The following JAKMIP1 variants were observed in gnomAD, a reference collection of about 807,000 sequenced individuals.
JAKMIP1 encodes janus kinase and microtubule interacting protein 1.
JAKMIP1 carries 33 observed loss-of-function variants against 113.0 expected under a neutral mutation model. The observed-to-expected ratio is 0.29, with a 90% confidence interval of 0.22 to 0.39. The LOEUF (loss-of-function observed/expected upper bound fraction) is 0.39. Ranked by LOEUF, JAKMIP1 falls within the 10% of genes least tolerant of loss-of-function variation. JAKMIP1 has a pLI of 1.00. For synonymous variants in JAKMIP1, 480 were observed against 459.9 expected (o/e 1.04, Z -0.56); for missense variants, 813 against 1,080.5 (o/e 0.75, Z 3.47).
intron 1 of JAKMIP1, among the ~76,000 whole-genome samples, chr4:6,134,465 A>G (rs759684934): frequency 2.0e-5 from 3 of 152,070 alleles, no homozygotes; most frequent in Non-Finnish European, 4.4e-5. Flanking sequence ...CCACCTGTTC[A>G]TCTTCTTTAA....
intron 4 of JAKMIP1, 38 bp from the exon 5 acceptor site, chr4:6,085,003 G>C (rs552114880): frequency 2.2e-6 from 3 of 1,356,896 alleles, no homozygotes; most frequent in Non-Finnish European, 1.9e-6. Flanking sequence ...AAGTCAAGAC[G>C]TAAATGTACT....
chr4:6,070,348 T>A (rs1321357827), intron 8 of JAKMIP1, among the ~76,000 whole-genome samples: 1 of 152,242 alleles, frequency 6.6e-6, no homozygotes, highest in Non-Finnish European at 1.5e-5. Flanking sequence ...ACCCGTCTGC[T>A]GCAGAGTCCC....
Position 6,194,327 on chromosome 4 carries a change from A to C in JAKMIP1, c.-148+5926T>G, listed in dbSNP as rs1727614602. Among the ~76,000 whole-genome samples, 1 of 152,128 alleles carries C rather than the reference A, an allele frequency of 6.6e-6. No homozygotes were observed. The highest frequency in any genetic ancestry group is 2.1e-4 in the South Asian group (1 of 4,824). ...AATTTTTTTAAGAAAAAGAAGGGGA[A>C]AAAGAATTGCTTCAATGGAAGACAC... On this transcript the variant is annotated intron_variant, in intron 1 of 20. Coordinates refer to ENST00000409021, the MANE Select transcript of JAKMIP1 (RefSeq NM_001099433.2). The surrounding 1 kb of genome is among the most constrained non-coding windows in gnomAD (Gnocchi z 7.4).
intron 1 of JAKMIP1, among the ~76,000 whole-genome samples, chr4:6,125,277 C>A (rs780622997): frequency 2.0e-5 from 3 of 152,214 alleles, no homozygotes; most frequent in East Asian, 1.9e-4. Context: ...GGAGCACCCC[C>A]ACCCGGGCTG....
chr4:6,102,722 CTTTTTTTTTT>C (rs1191358910), intron 3 of JAKMIP1, among the ~76,000 whole-genome samples: 5 of 50,820 alleles, frequency 9.8e-5, no homozygotes, highest in South Asian at 1.4e-3. Context: ...TCTCTAAAGA[CTTTTTTTTTT>C]TTTTTTTTTT....
Position 6,143,147 on chromosome 4 carries a change from C to A in JAKMIP1, c.-147-30150G>T, listed in dbSNP as rs1192075216. 6.6e-6 allele frequency among the ~76,000 whole-genome samples: 1 copy of A among 152,234 alleles called. No homozygotes were observed. The highest frequency in any genetic ancestry group is 1.9e-4 in the East Asian group (1 of 5,202). ...ACCTATTAAGCAGAAAGCAGCACAG[C>A]TCTCCCCTGTGAGTACGAGCTAAGT... On this transcript the variant is annotated intron_variant, in intron 1 of 20. Transcript: ENST00000409021. This position sits in a 1 kb window ranked among gnomAD's most constrained non-coding sequence, Gnocchi z 4.9.
intron 7 of JAKMIP1, 136 bp from the exon 8 acceptor site, chr4:6,079,134 T>C (rs1720125058): frequency 3.8e-6 from 3 of 786,132 alleles, no homozygotes; most frequent in Admixed American, 2.1e-5. Context: ...GCCCAAGTGA[T>C]GGCTGCTTCT....
At position 6,139,461 on chromosome 4, in the gene JAKMIP1, G is replaced by A. The variant is rs540975634; in HGVS notation, c.-147-26464C>T. ...GGGTGGGCCTTAACCAATATGATGG[G>A]TGTTCCTACAAAAAGAAGAAATGGG... is the stretch of plus-strand genomic sequence containing the variant. On this transcript the variant is annotated intron_variant, in intron 1 of 20. Coordinates refer to ENST00000409021, the MANE Select transcript of JAKMIP1 (RefSeq NM_001099433.2). The surrounding 1 kb of genome is among the most constrained non-coding windows in gnomAD (Gnocchi z 5.2). Among the ~76,000 whole-genome samples the A allele has an allele frequency of 3.3e-5, 5 of 152,142 alleles. No individual in the cohort carries two copies. The South Asian group carries it at 1.0e-3, about 32-fold the overall frequency.
rs1169718007 is a variant in JAKMIP1, at chr4:6,065,071, T to C, written c.1303-63A>G. On this transcript the variant is annotated intron_variant, in intron 8 of 20. Transcript: ENST00000409021. This position sits in a 1 kb window ranked among gnomAD's most constrained non-coding sequence, Gnocchi z 5.1. Reference sequence around the variant, plus strand: ...AGGATTGCCAGAGTCTACCAGTCCCTGGTCGTGGGCATGCCAGTGCAGGGG... The same window carrying C: ...AGGATTGCCAGAGTCTACCAGTCCCCGGTCGTGGGCATGCCAGTGCAGGGG... 7 of 1,603,464 alleles carry C rather than the reference T, an allele frequency of 4.4e-6. No individual in the cohort carries two copies. In the African/African-American group the frequency reaches 6.7e-5, roughly 15 times the overall value.
At chr4:6,068,316 C>A (rs1463706745) in intron 8 of JAKMIP1, among the ~76,000 whole-genome samples, 1 of 152,192 alleles carries the variant, frequency 6.6e-6, no homozygotes, top group African/African-American at 2.4e-5. Context: ...GAGCCCCCGA[C>A]AGTATCATAT....
intron 1 of JAKMIP1, among the ~76,000 whole-genome samples, chr4:6,182,138 C>T (rs967818572): frequency 6.6e-6 from 1 of 151,992 alleles, no homozygotes; most frequent in Non-Finnish European, 1.5e-5. Flanking sequence ...GGAAACCAGG[C>T]TCGGTGGCTC....
chr4:6,056,761 T>A lies in JAKMIP1; in HGVS notation c.1645-2A>T. ...CTTCTCTTCAACCCACTTGGAATCC[T>A]AAGGAAAAGTACTAAATATGGTCAC... On this transcript the variant is annotated splice_acceptor_variant, in intron 11 of 20. Transcript: ENST00000409021. LOFTEE classifies it high-confidence loss of function. The A allele has an allele frequency of 6.2e-7, 1 of 1,604,702 alleles. No homozygotes were observed. The highest frequency in any genetic ancestry group is 2.2e-5 in the East Asian group (1 of 44,848).
chr4:6,167,095 G>T lies in JAKMIP1; in HGVS notation c.-148+33158C>A, dbSNP rs1316437619. 1.3e-5 allele frequency among the ~76,000 whole-genome samples: 2 copies of T among 152,056 alleles called. No individual in the cohort carries two copies. The highest frequency in any genetic ancestry group is 2.9e-5 in the Non-Finnish European group (2 of 67,996). ...TGGTGCGTAGGGGGTACTCAGGGTG[G>T]GCTGCTGGTATTATTAAAATTCTTG... On this transcript the variant is annotated intron_variant, in intron 1 of 20. Transcript: ENST00000409021. This position sits in a 1 kb window ranked among gnomAD's most constrained non-coding sequence, Gnocchi z 5.3.
chr4:6,043,095 G>A lies in JAKMIP1; in HGVS notation c.2029-868C>T, dbSNP rs191891796. Among the ~76,000 whole-genome samples the A allele has an allele frequency of 1.7e-3, 264 of 152,092 alleles. 1 individual carries two copies. Among genetic ancestry groups the A allele is most frequent in the African/African-American group, 5.5e-3 (229 of 41,476 alleles). Reference sequence around the variant, plus strand: ...TGGGGGAGGGCTGTGGGGAGATCAGGGCACCTAGGGGTGTCCGGGTTTGAC... The same window carrying A: ...TGGGGGAGGGCTGTGGGGAGATCAGAGCACCTAGGGGTGTCCGGGTTTGAC... On this transcript the variant is annotated intron_variant, in intron 16 of 20. Coordinates refer to ENST00000409021, the MANE Select transcript of JAKMIP1 (RefSeq NM_001099433.2).
intron 1 of JAKMIP1, among the ~76,000 whole-genome samples, chr4:6,173,409 T>G (rs1280597458): frequency 6.6e-6 from 1 of 152,190 alleles, no homozygotes; most frequent in Non-Finnish European, 1.5e-5. Flanking sequence ...CCTCTGGCTT[T>G]ATGTCAAAAC....
intron 1 of JAKMIP1, among the ~76,000 whole-genome samples, chr4:6,117,322 C>T (rs887735729): frequency 5.3e-5 from 8 of 152,044 alleles, no homozygotes; most frequent in African/African-American, 1.4e-4. Flanking sequence ...GCTGGGCGTC[C>T]GGGGGAGACA....
chr4:6,189,438 T>A (rs1457523206), intron 1 of JAKMIP1, among the ~76,000 whole-genome samples: 2 of 152,056 alleles, frequency 1.3e-5, no homozygotes, highest in African/African-American at 4.8e-5. Context: ...ACAGAGTGAA[T>A]TTTTTTTCAG....
rs146227588 is a variant in JAKMIP1, at chr4:6,157,332, C to G, written c.-148+42921G>C. On this transcript the variant is annotated intron_variant, in intron 1 of 20. Coordinates refer to ENST00000409021, the MANE Select transcript of JAKMIP1 (RefSeq NM_001099433.2). This position sits in a 1 kb window ranked among gnomAD's most constrained non-coding sequence, Gnocchi z 4.7. ...GTTACTCCCTCTGCAAAAAGGCGCA[C>G]GGGATGGGAAGCTGGCGCACAACAC... is the stretch of plus-strand genomic sequence containing the variant. 6.6e-6 allele frequency among the ~76,000 whole-genome samples: 1 copy of G among 152,250 alleles called. No individual in the cohort carries two copies. Among genetic ancestry groups the G allele is most frequent in the African/African-American group, 2.4e-5 (1 of 41,540 alleles).
In JAKMIP1 at chr4:6,163,205, T is replaced by C. The variant is rs560226488; in HGVS notation, c.-148+37048A>G. On this transcript the variant is annotated intron_variant, in intron 1 of 20. Coordinates refer to ENST00000409021, the MANE Select transcript of JAKMIP1 (RefSeq NM_001099433.2). Reference sequence around the variant, plus strand: ...TCAACTTTATCGTGCTTCGCAGATATTACGTTTTTGACAAATTGAAGGGTT... The same window carrying C: ...TCAACTTTATCGTGCTTCGCAGATACTACGTTTTTGACAAATTGAAGGGTT... Among the ~76,000 whole-genome samples, 4 of 152,360 alleles carry C rather than the reference T, an allele frequency of 2.6e-5. No homozygotes were observed. In the East Asian group the frequency reaches 7.7e-4, roughly 29 times the overall value.
Sources: allele counts gnomAD v4.1 joint callset (sites outside exome capture counted in the v4.1 genomes callset), GRCh38; gene constraint gnomAD v4.1.1; non-coding constraint Gnocchi (gnomAD v3.1); transcripts MANE v1.5; gene names NCBI Gene and HGNC (gene_info 2026-07-23, HGNC 2026-07-21).